Variants in PDE1A observed in about 807,000 individuals in gnomAD.
PDE1A encodes the protein dual specificity calcium/calmodulin-dependent 3',5'-cyclic nucleotide phosphodiesterase 1A.
PDE1A carries 35 observed loss-of-function variants against 61.7 expected under a neutral mutation model. The ratio of observed to expected loss-of-function variants is 0.57; its 90% CI spans 0.43 to 0.75. PDE1A has a LOEUF of 0.75. Among genes scored for constraint, PDE1A ranks in the 30% least tolerant of loss-of-function variants. The pLI is 0.00. For missense variants in PDE1A, 597 were observed against 630.6 expected (o/e 0.95, Z 0.57); for synonymous variants, 232 against 213.2 (o/e 1.09, Z -0.77).
chr2:182,633,132 C>T, the PDE1A span, among the ~76,000 whole-genome samples: 1 of 152,148 alleles, frequency 6.6e-6, no homozygotes, highest in African/African-American at 2.4e-5. Flanking sequence ...TACTCAGATA[C>T]ATTTAGGATG....
chr2:182,604,322 C>A, the PDE1A span, among the ~76,000 whole-genome samples: 1 of 152,220 alleles, frequency 6.6e-6, no homozygotes, highest in South Asian at 2.1e-4. Context: ...CCTAAACTAG[C>A]AATATAAATT....
intron 1 of PDE1A, among the ~76,000 whole-genome samples, chr2:182,381,138 T>C (rs540268388): frequency 2.0e-5 from 3 of 152,262 alleles, no homozygotes; most frequent in East Asian, 1.9e-4. Context: ...TCTGATATGA[T>C]TGTGATAGGT....
chr2:182,141,009 A>C (rs1458681117), exon 15 of PDE1A: 1 of 150,726 alleles, frequency 6.6e-6, no homozygotes, highest in Non-Finnish European at 1.5e-5. Flanking sequence ...TATAAGTCGC[A>C]TAACCTGGAA....
the PDE1A span, among the ~76,000 whole-genome samples, chr2:182,675,004 T>C: frequency 1.3e-5 from 2 of 152,154 alleles, no homozygotes; most frequent in East Asian, 1.9e-4. Context: ...GTTTGCTACA[T>C]AGGTAAACTT....
intron 1 of PDE1A, among the ~76,000 whole-genome samples, chr2:182,280,598 G>C (rs1207809668): frequency 6.6e-6 from 1 of 151,878 alleles, no homozygotes; most frequent in Non-Finnish European, 1.5e-5. Flanking sequence ...CATTTCTTCT[G>C]TTAGGGGGAG....
At chr2:182,197,670 T>G (rs1686250597) in intron 10 of PDE1A, among the ~76,000 whole-genome samples, 1 of 151,918 alleles carries the variant, frequency 6.6e-6, no homozygotes, top group Non-Finnish European at 1.5e-5. Context: ...TTTCCCCATG[T>G]AGTTGTTTTG....
At chr2:182,238,420 A>G (rs1690241699) in intron 3 of PDE1A, among the ~76,000 whole-genome samples, 1 of 152,106 alleles carries the variant, frequency 6.6e-6, no homozygotes, top group South Asian at 2.1e-4. Flanking sequence ...GAAGGCAGAT[A>G]GTGGAGGCTT....
chr2:182,631,769 G>A, the PDE1A span, among the ~76,000 whole-genome samples: 1 of 152,284 alleles, frequency 6.6e-6, no homozygotes, highest in Admixed American at 6.5e-5. Context: ...TCTCTGACAT[G>A]GTTTTCACAT....
chr2:182,320,690 A>C (rs951194328), intron 1 of PDE1A, among the ~76,000 whole-genome samples: 1 of 152,292 alleles, frequency 6.6e-6, no homozygotes, highest in South Asian at 2.1e-4. Flanking sequence ...CACTTTTCCA[A>C]TGTTCGTAGC....
At chr2:182,163,890 G>T (rs1227023167), downstream of PDE1A, among the ~76,000 whole-genome samples, 1 of 152,162 alleles carries the variant, frequency 6.6e-6, no homozygotes, top group East Asian at 1.9e-4. Flanking sequence ...GTGGCAGATA[G>T]GTATGCTGTT....
the PDE1A span, among the ~76,000 whole-genome samples, chr2:182,597,552 G>A: frequency 1.3e-5 from 2 of 152,244 alleles, no homozygotes; most frequent in African/African-American, 4.8e-5. Flanking sequence ...GGGAAAGGGA[G>A]TAAAGAAAGT....
At chr2:182,610,684 A>T in the PDE1A span, among the ~76,000 whole-genome samples, 5 of 152,204 alleles carry the variant, frequency 3.3e-5, no homozygotes, top group Non-Finnish European at 7.3e-5. Flanking sequence ...AGAGAATAAA[A>T]AGTATGTCAG....
chr2:182,276,243 T>G (rs1485543847), intron 1 of PDE1A, among the ~76,000 whole-genome samples: 2 of 152,050 alleles, frequency 1.3e-5, no homozygotes, highest in Non-Finnish European at 2.9e-5. Context: ...AAATTGGTCT[T>G]AGAAGCTATG....
chr2:182,308,234 G>T (rs1372462033), intron 1 of PDE1A, among the ~76,000 whole-genome samples: 1 of 151,936 alleles, frequency 6.6e-6, no homozygotes, highest in Non-Finnish European at 1.5e-5. Flanking sequence ...TAATAACTAG[G>T]AAACATAAAA....
chr2:182,603,543 T>G, the PDE1A span, among the ~76,000 whole-genome samples: 4 of 152,214 alleles, frequency 2.6e-5, no homozygotes, highest in South Asian at 6.2e-4. Context: ...AGAGACAGGG[T>G]TTTGCCATGT....
chr2:182,461,528 C>T (rs181958304), intron 2 of PDE1A, among the ~76,000 whole-genome samples: 1 of 152,240 alleles, frequency 6.6e-6, no homozygotes, highest in Non-Finnish European at 1.5e-5. Flanking sequence ...AATATCCCAT[C>T]ATTATTAGTT....
intron 11 of PDE1A, among the ~76,000 whole-genome samples, chr2:182,188,755 C>T (rs1438906465): frequency 1.3e-5 from 2 of 152,088 alleles, no homozygotes; most frequent in Non-Finnish European, 2.9e-5. Context: ...GGATTACAAC[C>T]ACGATAACAA....
the PDE1A span, among the ~76,000 whole-genome samples, chr2:182,708,240 A>G: frequency 3.9e-4 from 59 of 152,140 alleles, no homozygotes; most frequent in African/African-American, 1.3e-3. Flanking sequence ...CCATGATTCA[A>G]TTATCTCCCA....
At chr2:182,598,988 C>G in the PDE1A span, among the ~76,000 whole-genome samples, 2 of 152,214 alleles carry the variant, frequency 1.3e-5, no homozygotes, top group Non-Finnish European at 2.9e-5. Context: ...CCGCTGCCAT[C>G]ACGCTGGCTG....
Sources: gnomAD v4.1 joint callset for allele counts (sites outside exome capture counted in the v4.1 genomes callset) on GRCh38, gnomAD v4.1.1 for gene constraint, MANE v1.5 for transcripts, NCBI Gene and HGNC (gene_info 2026-07-23, HGNC 2026-07-21) for gene names.